Variants in TNR observed in about 807,000 individuals in gnomAD.
TNR encodes tenascin R.
In TNR, 45 loss-of-function variants were observed where a neutral mutation model predicts 150.4. The ratio of observed to expected loss-of-function variants is 0.30; its 90% CI spans 0.24 to 0.38. TNR has a LOEUF of 0.38. TNR is among the 10% of genes least tolerant of loss of function. The probability of loss-of-function intolerance (pLI) is 1.00; values close to 1 mark genes in which losing one functional copy is unlikely to be tolerated. For synonymous variants in TNR, 687 were observed against 678.4 expected, an observed-to-expected ratio of 1.01 and a Z score of -0.20; for missense variants, 1,544 against 1,759.1, an observed-to-expected ratio of 0.88 and a Z score of 2.19.
chr1:175,664,865 C>T (rs1665487776), intron 1 of TNR, among the ~76,000 whole-genome samples: 1 of 152,126 alleles, frequency 6.6e-6, no homozygotes, highest in Non-Finnish European at 1.5e-5. Context: ...ATGACAAAGA[C>T]AAGGAAATAT....
At chr1:175,706,703 C>T (rs1281100570) in intron 1 of TNR, among the ~76,000 whole-genome samples, 1 of 152,124 alleles carries the variant, frequency 6.6e-6, no homozygotes, top group Non-Finnish European at 1.5e-5. Context: ...ATGACCCTTC[C>T]ATTCACTGGC....
At chr1:175,522,118 TCTC>T (rs771585798) in intron 2 of TNR, among the ~76,000 whole-genome samples, 5 of 152,142 alleles carry the variant, frequency 3.3e-5, no homozygotes, top group Non-Finnish European at 7.3e-5. Context: ...CCACTCCACT[TCTC>T]CTTTTTTTTT....
chr1:175,602,203 C>CAAAAAAAAAA (rs57341654), intron 1 of TNR, among the ~76,000 whole-genome samples: 4 of 30,532 alleles, frequency 1.3e-4, no homozygotes, highest in Non-Finnish European at 2.8e-4. Context: ...GGACCAAAGG[C>CAAAAAAAAAA]AAAAAAAAAA....
rs1666587545 is a variant in TNR at position 175,698,201 on chromosome 1, CA to C, written c.-165+45024del. Among the ~76,000 whole-genome samples the C allele has an allele frequency of 2.0e-5, 3 of 152,236 alleles. No individual in the cohort carries two copies. In the South Asian group the frequency reaches 6.2e-4, roughly 32 times the overall value. Reference sequence around the variant, plus strand: ...CTAGGTTAGGAAGACAGACAACGAACAGTCAAACATACCACATGTCGGGTGG... The same window carrying C: ...CTAGGTTAGGAAGACAGACAACGAACGTCAAACATACCACATGTCGGGTGG... On this transcript the variant is annotated intron_variant, in intron 1 of 22. Transcript: ENST00000367674.
chr1:175,469,312 C>T (rs899086497), intron 2 of TNR, among the ~76,000 whole-genome samples: 1 of 152,144 alleles, frequency 6.6e-6, no homozygotes. Flanking sequence ...GAAATTATAA[C>T]ACAGGCTAAG....
chr1:175,432,450 G>T (rs997651069), intron 2 of TNR, among the ~76,000 whole-genome samples: 2 of 152,134 alleles, frequency 1.3e-5, no homozygotes, highest in African/African-American at 2.4e-5. Context: ...CACCCCTAAG[G>T]ATAGAAAACG....
intron 1 of TNR, among the ~76,000 whole-genome samples, chr1:175,630,292 C>G (rs919267605): frequency 2.0e-5 from 3 of 152,230 alleles, no homozygotes; most frequent in Admixed American, 6.5e-5. Flanking sequence ...GAACTCTTGT[C>G]TTATCCCTAG....
At chr1:175,484,767 C>G (rs748378409) in intron 2 of TNR, among the ~76,000 whole-genome samples, 1 of 152,170 alleles carries the variant, frequency 6.6e-6, no homozygotes, top group Admixed American at 6.5e-5. Context: ...AATAAAGATG[C>G]AGAGATGTCT....
intron 1 of TNR, among the ~76,000 whole-genome samples, chr1:175,618,098 C>T (rs1176207947): frequency 1.3e-5 from 2 of 152,322 alleles, no homozygotes; most frequent in South Asian, 2.1e-4. Context: ...ATGATAACTA[C>T]AGTATTGGGG....
chr1:175,650,111 T>C (rs1321110536), intron 1 of TNR, among the ~76,000 whole-genome samples: 1 of 152,198 alleles, frequency 6.6e-6, no homozygotes, highest in Non-Finnish European at 1.5e-5. Flanking sequence ...TGCTCTTCAT[T>C]TTGATATCAA....
intron 2 of TNR, among the ~76,000 whole-genome samples, chr1:175,464,161 G>A (rs562684657): frequency 6.6e-6 from 1 of 152,230 alleles, no homozygotes; most frequent in South Asian, 2.1e-4. Context: ...AACTGAAAGG[G>A]GAATAATCAA....
chr1:175,563,004 A>G (rs1661491258), intron 1 of TNR, among the ~76,000 whole-genome samples: 1 of 152,210 alleles, frequency 6.6e-6, no homozygotes, highest in Non-Finnish European at 1.5e-5. Flanking sequence ...TGAATCAGGA[A>G]GCATGATTGA....
chr1:175,687,472 A>G (rs1002705845), intron 1 of TNR, among the ~76,000 whole-genome samples: 6 of 152,124 alleles, frequency 3.9e-5, no homozygotes, highest in Non-Finnish European at 8.8e-5. Flanking sequence ...GAAGCATGCT[A>G]TAATAGGAAG....
intron 2 of TNR, among the ~76,000 whole-genome samples, chr1:175,481,290 G>T (rs1288163474): frequency 6.6e-6 from 1 of 152,198 alleles, no homozygotes. Flanking sequence ...TTAAGTATGT[G>T]GTAATACTAT....
chr1:175,737,292 C>T (rs1453460086), intron 1 of TNR, among the ~76,000 whole-genome samples: 5 of 152,208 alleles, frequency 3.3e-5, no homozygotes, highest in East Asian at 1.9e-4. Flanking sequence ...ACCTGTAAAA[C>T]GGGGACAATA....
At chr1:175,713,347 A>G (rs1262824574) in intron 1 of TNR, among the ~76,000 whole-genome samples, 1 of 152,056 alleles carries the variant, frequency 6.6e-6, no homozygotes, top group African/African-American at 2.4e-5. Context: ...TCTTGCCCCT[A>G]TCCTTTTTTT....
intron 3 of TNR, 90 bp downstream of exon 3, chr1:175,406,126 A>G: frequency 1.3e-6 from 2 of 1,502,210 alleles, no homozygotes; most frequent in African/African-American, 1.4e-5. Context: ...TTTTCGCTGG[A>G]AGTGCATTGG....
At chr1:175,697,796 G>A (rs1420820906) in intron 1 of TNR, among the ~76,000 whole-genome samples, 1 of 152,182 alleles carries the variant, frequency 6.6e-6, no homozygotes, top group East Asian at 1.9e-4. Context: ...CCCCCCACAT[G>A]TCAGGCCTCA....
At chr1:175,390,380 G>C (rs986053635) in intron 7 of TNR, among the ~76,000 whole-genome samples, 1 of 152,158 alleles carries the variant, frequency 6.6e-6, no homozygotes, top group African/African-American at 2.4e-5. Flanking sequence ...TTCTGTTACT[G>C]ACAGAGAAAG....
Sources: gnomAD v4.1 joint callset for allele counts (sites outside exome capture counted in the v4.1 genomes callset) on GRCh38, gnomAD v4.1.1 for gene constraint, MANE v1.5 for transcripts, NCBI Gene and HGNC (gene_info 2026-07-23, HGNC 2026-07-21) for gene names.